Variants in NSD3 observed in about 807,000 individuals in gnomAD.
NSD3 encodes histone-lysine N-methyltransferase NSD3.
NSD3 carries 24 observed loss-of-function variants against 160.8 expected under a neutral mutation model. That is an observed-to-expected ratio of 0.15 (90% CI 0.11 to 0.21). The LOEUF (loss-of-function observed/expected upper bound fraction) is 0.21, where lower values mean the gene tolerates loss of function less well. Ranked by LOEUF, NSD3 falls within the 10% of genes least tolerant of loss-of-function variation. The probability of loss-of-function intolerance (pLI) is 1.00; values close to 1 mark genes in which losing one functional copy is unlikely to be tolerated. For synonymous variants in NSD3, 520 were observed against 600.0 expected (o/e 0.87, Z 1.95); for missense variants, 1,157 against 1,735.9 (o/e 0.67, Z 5.93).
chr8:38,317,490 T>C lies in NSD3; in HGVS notation c.1855+1405A>G, dbSNP rs1809693207. The C allele has an allele frequency of 9.5e-7, 1 of 1,057,334 alleles. No individual in the cohort carries two copies. The highest frequency in any genetic ancestry group is 1.1e-6 in the Non-Finnish European group (1 of 874,302). 65.5% of individuals were successfully genotyped at this position (1,057,334 alleles called of 1,614,324 possible). A position where few individuals can be genotyped will look rare whatever the true frequency, so the allele number is the denominator to read the frequency against. ...GGTACCGCCATTTCCGATGAGTTTC[T>C]GAAAATGCTAGAAAAATGACAGACT... is the stretch of plus-strand genomic sequence containing the variant. On this transcript the variant is annotated intron_variant, in intron 9 of 23. Transcript: ENST00000317025. This position sits in a 1 kb window ranked among gnomAD's most constrained non-coding sequence, Gnocchi z 5.3.
chr8:38,349,231 G>A (rs1427016173), intron 1 of NSD3, among the ~76,000 whole-genome samples: 1 of 151,952 alleles, frequency 6.6e-6, no homozygotes, highest in African/African-American at 2.4e-5. Context: ...GTAAACAAAC[G>A]TGGTATTTGT....
intron 5 of NSD3, among the ~76,000 whole-genome samples, 178 bp downstream of exon 5, chr8:38,331,253 T>A (rs1325640415): frequency 1.3e-5 from 2 of 152,152 alleles, no homozygotes; most frequent in East Asian, 3.8e-4. Flanking sequence ...ATATGACATA[T>A]AAAACTCATT....
rs764265511 is a variant in NSD3, at chr8:38,288,643, C to T, written c.3345G>A (p.Leu1115=). The change falls in exon 19 of 24, where the codon CTG becomes CTA. Residue 1115 remains leucine (L), a synonymous_variant. Coordinates refer to ENST00000317025, the MANE Select transcript of NSD3 (RefSeq NM_023034.2). The surrounding 1 kb of genome is among the most constrained non-coding windows in gnomAD (Gnocchi z 4.5). The part of the protein sequence containing the change: ...ENPCGLESEC[L]NRMLQYECHP... ...GGCATTCATACTGCAACATTCTGTT[C>T]AGGCACTCCGATTCCAAGCCACAAG... 11 of 1,614,232 alleles carry T rather than the reference C, an allele frequency of 6.8e-6. No individual in the cohort carries two copies. In the Middle Eastern group the frequency reaches 6.6e-4, roughly 97 times the overall value.
At position 38,326,801 on chromosome 8, in the gene NSD3, G is replaced by A. The variant is rs1400929425; in HGVS notation, c.1637C>T (p.Ser546Phe). The A allele has an allele frequency of 6.2e-7, 1 of 1,614,058 alleles. No individual in the cohort carries two copies. The highest frequency in any genetic ancestry group is 8.5e-7 in the Non-Finnish European group (1 of 1,179,986). The change falls in exon 7 of 24, where the codon TCT becomes TTT. Residue 546 changes from serine to phenylalanine, a missense_variant. Physicochemically the swap from Ser to Phe is radical, Grantham distance 155. Around this residue, in one of 10 missense-constraint regions of NSD3, gnomAD observed 102 missense variants for 126.5 expected, o/e 0.81. Coordinates refer to ENST00000317025, the MANE Select transcript of NSD3 (RefSeq NM_023034.2). ...CTTTTCATTTCTCTGGTTTGGTGTAGAAATTATAAGCCTGTCTTGCCCCCT... is the reference window on the plus strand; with the variant it reads ...CTTTTCATTTCTCTGGTTTGGTGTAAAAATTATAAGCCTGTCTTGCCCCCT... Reference protein sequence around the residue: ...SVRGQDRLIISTPNQRNEKPT... With the variant: ...SVRGQDRLIIFTPNQRNEKPT...
intron 13 of NSD3, 50 bp downstream of exon 13, chr8:38,305,197 TG>T (rs773778808): frequency 6.4e-7 from 1 of 1,572,936 alleles, no homozygotes; most frequent in Non-Finnish European, 8.7e-7. Context: ...TAATGTTATT[TG>T]CCACTGCCCT....
intron 1 of NSD3, among the ~76,000 whole-genome samples, chr8:38,355,113 C>A (rs990711912): frequency 6.6e-6 from 1 of 152,130 alleles, no homozygotes; most frequent in Non-Finnish European, 1.5e-5. Context: ...GGGGGCTCTA[C>A]TGAGCACTGT....
chr8:38,320,498 T>A (rs1809770300), intron 8 of NSD3: 1 of 152,122 alleles, frequency 6.6e-6, no homozygotes, highest in Non-Finnish European at 1.5e-5. Context: ...TCAGTCAAAA[T>A]GCAACCCCCC....
At position 38,328,134 on chromosome 8, in the gene NSD3, T is replaced by A. The variant is rs1425967241; in HGVS notation, c.1581+1244A>T. On this transcript the variant is annotated intron_variant, in intron 6 of 23. Coordinates refer to ENST00000317025, the MANE Select transcript of NSD3 (RefSeq NM_023034.2). ...AAGATCCCTTGGGGCTGCAGTGAGC[T>A]ATTATTGACCACTGCACTCCAGCCT... Among the ~76,000 whole-genome samples, 10 of 152,174 alleles carry A rather than the reference T, an allele frequency of 6.6e-5. No individual in the cohort carries two copies. The East Asian group carries it at 1.9e-3, about 29-fold the overall frequency.
At chr8:38,328,158 C>G (rs539596690) in intron 6 of NSD3, among the ~76,000 whole-genome samples, 1 of 152,222 alleles carries the variant, frequency 6.6e-6, no homozygotes, top group South Asian at 2.1e-4. Context: ...GCACTCCAGC[C>G]TGGGCCACAG....
intron 19 of NSD3, among the ~76,000 whole-genome samples, chr8:38,283,084 G>A (rs1228605649): frequency 1.3e-5 from 2 of 152,264 alleles, no homozygotes; most frequent in Middle Eastern, 3.4e-3. Context: ...GTTCCCACCA[G>A]CAGTTCATGA....
intron 4 of NSD3, 87 bp downstream of exon 4, chr8:38,337,218 G>A (rs1810243037): frequency 6.1e-6 from 7 of 1,140,302 alleles, no homozygotes; most frequent in Admixed American, 3.5e-5. Context: ...TATATATTAC[G>A]TGTGTATTCT....
At chr8:38,290,707 G>A (rs2130993868) in intron 16 of NSD3, 30 bp from the exon 17 acceptor site, 1 of 1,605,082 alleles carries the variant, frequency 6.2e-7, no homozygotes, top group Non-Finnish European at 8.5e-7. Flanking sequence ...TAGATCAAGA[G>A]GGCAAAAACG....
At chr8:38,352,901 C>A (rs1181975248) in intron 1 of NSD3, among the ~76,000 whole-genome samples, 2 of 152,192 alleles carry the variant, frequency 1.3e-5, no homozygotes. Flanking sequence ...GAAAAGAATT[C>A]TTTTGTTCAG....
At chr8:38,307,297 G>A (rs1377906541) in intron 12 of NSD3, among the ~76,000 whole-genome samples, 1 of 152,014 alleles carries the variant, frequency 6.6e-6, no homozygotes, top group Non-Finnish European at 1.5e-5. Context: ...TGATTCTCGT[G>A]CCCCAGAATC....
At chr8:38,283,885 T>G (rs1808792977) in intron 19 of NSD3, among the ~76,000 whole-genome samples, 1 of 152,068 alleles carries the variant, frequency 6.6e-6, no homozygotes, top group Admixed American at 6.5e-5. Flanking sequence ...GGAGGACTGC[T>G]TGAGCCAGGA....
At chr8:38,307,114 C>CAAAAAA (rs1194554014) in intron 12 of NSD3, among the ~76,000 whole-genome samples, 2 of 64,182 alleles carry the variant, frequency 3.1e-5, no homozygotes, top group African/African-American at 1.1e-4. Context: ...GATACCGTCT[C>CAAAAAA]AAAAAAAAAA....
intron 18 of NSD3, among the ~76,000 whole-genome samples, chr8:38,289,049 A>G (rs901183253): frequency 2.0e-5 from 3 of 152,246 alleles, no homozygotes; most frequent in Non-Finnish European, 4.4e-5. Context: ...GTTCTCTGAA[A>G]TAAAGGGAGT....
intron 21 of NSD3, among the ~76,000 whole-genome samples, chr8:38,279,003 A>C (rs1355290332): frequency 6.6e-6 from 1 of 152,202 alleles, no homozygotes; most frequent in Non-Finnish European, 1.5e-5. Context: ...CTACAAACTA[A>C]ACAAAGGAGA....
rs1426695726 is a variant in NSD3 at position 38,321,766 on chromosome 8, T to C, written c.1709-594A>G. Reference sequence around the variant, plus strand: ...TTAATTTGACTATCAAGGGATCTGTTATACTCTGGAAATAATTAGTCGTGG... The same window carrying C: ...TTAATTTGACTATCAAGGGATCTGTCATACTCTGGAAATAATTAGTCGTGG... On this transcript the variant is annotated intron_variant, in intron 7 of 23. Transcript: ENST00000317025. The surrounding 1 kb of genome is among the most constrained non-coding windows in gnomAD (Gnocchi z 4.7). 6.6e-6 allele frequency among the ~76,000 whole-genome samples: 1 copy of C among 152,230 alleles called. No individual in the cohort carries two copies. Among genetic ancestry groups the C allele is most frequent in the Non-Finnish European group, 1.5e-5 (1 of 68,044 alleles).
Sources: allele counts gnomAD v4.1 joint callset (sites outside exome capture counted in the v4.1 genomes callset), GRCh38; gene constraint gnomAD v4.1.1; regional missense constraint gnomAD v4.1.1; non-coding constraint Gnocchi (gnomAD v3.1); transcripts MANE v1.5; gene names NCBI Gene and HGNC (gene_info 2026-07-23, HGNC 2026-07-21).